ABCA13: variants seen among roughly 807,000 people sequenced by gnomAD.
ABCA13 encodes the protein ATP-binding cassette sub-family A member 13.
ABCA13 carries 476 observed loss-of-function variants against 478.7 expected under a neutral mutation model. The ratio of observed to expected loss-of-function variants is 0.99; its 90% CI spans 0.92 to 1.07. The LOEUF is 1.07. ABCA13 is among the 50% of genes least tolerant of loss of function. ABCA13 has a pLI of 0.00. For synonymous variants in ABCA13, 2,252 were observed against 2,158.9 expected (o/e 1.04, Z -1.20); for missense variants, 6,060 against 5,910.6 (o/e 1.03, Z -0.83).
intron 38 of ABCA13, among the ~76,000 whole-genome samples, chr7:48,395,502 T>C (rs1008957717): frequency 3.9e-5 from 6 of 152,186 alleles, no homozygotes; most frequent in Non-Finnish European, 7.3e-5. Flanking sequence ...ATTCAAATGT[T>C]TTCAATACAA....
intron 45 of ABCA13, among the ~76,000 whole-genome samples, chr7:48,476,945 A>G (rs1213419993): frequency 1.3e-5 from 2 of 152,180 alleles, no homozygotes; most frequent in African/African-American, 4.8e-5. Context: ...AGGATAAAAC[A>G]TTTTAAAATG....
chr7:48,217,690 C>T (rs1026993745), intron 3 of ABCA13, among the ~76,000 whole-genome samples: 2 of 152,204 alleles, frequency 1.3e-5, no homozygotes, highest in African/African-American at 2.4e-5. Context: ...CTGACAACCT[C>T]AAGTGGGTCC....
intron 50 of ABCA13, among the ~76,000 whole-genome samples, chr7:48,510,460 T>C (rs1831575358): frequency 6.6e-6 from 1 of 152,180 alleles, no homozygotes; most frequent in African/African-American, 2.4e-5. Context: ...GAGGAGCCTG[T>C]CCTTGGTTCT....
rs1796108664 is a variant in ABCA13, at chr7:48,275,014, T to A, written c.5348T>A (p.Ile1783Asn). Residue 1783 changes from isoleucine to asparagine, a missense_variant, in exon 17 of 62, where the codon ATT (isoleucine) becomes AAT (asparagine). Ile to Asn is a moderately radical substitution (Grantham distance 149). This residue lies in a region of ABCA13 where 4,423 missense variants were observed against 4,309.1 expected (regional missense o/e 1.03). Coordinates refer to ENST00000435803, the MANE Select transcript of ABCA13 (RefSeq NM_152701.5). ...YSFTLLHGIT[I>N]SNITKEDFAI... ...TTCACACTCCTTCATGGCATAACCA[T>A]TTCAAATATCACCAAGGAAGACTTC... The A allele has an allele frequency of 1.2e-6, 2 of 1,613,936 alleles. No individual in the cohort carries two copies. Among genetic ancestry groups the A allele is most frequent in the Non-Finnish European group, 1.7e-6 (2 of 1,179,858 alleles).
At chr7:48,574,091 G>A (rs1787933738) in intron 55 of ABCA13, among the ~76,000 whole-genome samples, 1 of 151,994 alleles carries the variant, frequency 6.6e-6, no homozygotes, top group Non-Finnish European at 1.5e-5. Flanking sequence ...GGCATGGGGA[G>A]TTAGGACCCC....
chr7:48,442,974 G>A (rs907208014), intron 42 of ABCA13, among the ~76,000 whole-genome samples: 1 of 152,148 alleles, frequency 6.6e-6, no homozygotes, highest in Non-Finnish European at 1.5e-5. Flanking sequence ...ACTATAGCTA[G>A]GACTTTAAAA....
chr7:48,534,187 G>C (rs1350513250), intron 55 of ABCA13, among the ~76,000 whole-genome samples: 1 of 152,018 alleles, frequency 6.6e-6, no homozygotes, highest in African/African-American at 2.4e-5. Flanking sequence ...AATTCTCTCA[G>C]CATTTGTTTG....
At chr7:48,397,567 C>T (rs1350836176) in intron 38 of ABCA13, among the ~76,000 whole-genome samples, 1 of 151,994 alleles carries the variant, frequency 6.6e-6, no homozygotes. Flanking sequence ...TCACATTACC[C>T]CTGAAAATCT....
chr7:48,450,338 T>A (rs1824837794), intron 42 of ABCA13, among the ~76,000 whole-genome samples: 1 of 152,296 alleles, frequency 6.6e-6, no homozygotes, highest in Non-Finnish European at 1.5e-5. Flanking sequence ...TAATTTATCG[T>A]TTACAAGATG....
chr7:48,563,050 G>A (rs899145415), intron 55 of ABCA13, among the ~76,000 whole-genome samples: 5 of 151,812 alleles, frequency 3.3e-5, no homozygotes, highest in Non-Finnish European at 7.4e-5. Context: ...TTTAGCATTT[G>A]CATTTGGCAT....
chr7:48,191,822 T>C (rs1046011084), intron 1 of ABCA13, among the ~76,000 whole-genome samples: 1 of 152,190 alleles, frequency 6.6e-6, no homozygotes, highest in African/African-American at 2.4e-5. Context: ...TAGATCTGCT[T>C]ACAAGGAAGG....
At chr7:48,250,686 A>G (rs1045327166) in intron 15 of ABCA13, among the ~76,000 whole-genome samples, 8 of 152,202 alleles carry the variant, frequency 5.3e-5, no homozygotes, top group African/African-American at 1.9e-4. Context: ...ACAAACTCAT[A>G]ACTGTATGAT....
intron 7 of ABCA13, 85 bp downstream of exon 7, chr7:48,230,040 G>A: frequency 1.4e-6 from 2 of 1,381,736 alleles, no homozygotes; most frequent in Admixed American, 2.7e-5. Context: ...CTAAAATGAT[G>A]TTCAAAATGA....
chr7:48,190,250 C>T (rs923592875), intron 1 of ABCA13, among the ~76,000 whole-genome samples: 1 of 152,050 alleles, frequency 6.6e-6, no homozygotes, highest in Non-Finnish European at 1.5e-5. Flanking sequence ...GATCTACTTA[C>T]AAAAGTCAGC....
At chr7:48,321,982 C>T (rs1489192234) in intron 27 of ABCA13, among the ~76,000 whole-genome samples, 1 of 152,200 alleles carries the variant, frequency 6.6e-6, no homozygotes, top group Non-Finnish European at 1.5e-5. Context: ...GCCTGAATCA[C>T]TCAGAGGAAG....
intron 8 of ABCA13, among the ~76,000 whole-genome samples, chr7:48,235,727 C>A (rs575949092): frequency 6.6e-6 from 1 of 152,048 alleles, no homozygotes; most frequent in African/African-American, 2.4e-5. Context: ...ATGGCTGGGG[C>A]TCATGAATTA....
At chr7:48,605,353 G>A (rs1011669150) in intron 58 of ABCA13, among the ~76,000 whole-genome samples, 5 of 152,124 alleles carry the variant, frequency 3.3e-5, no homozygotes, top group Non-Finnish European at 5.9e-5. Context: ...GTATGTTTTT[G>A]CAGTGGCTGA....
intron 57 of ABCA13, among the ~76,000 whole-genome samples, chr7:48,593,626 A>G (rs942234606): frequency 2.0e-5 from 3 of 152,086 alleles, no homozygotes; most frequent in East Asian, 1.9e-4. Flanking sequence ...TCATGTTGCT[A>G]ATTAGAATCC....
At chr7:48,491,871 C>T (rs375214316) in intron 48 of ABCA13, among the ~76,000 whole-genome samples, 1 of 152,162 alleles carries the variant, frequency 6.6e-6, no homozygotes, top group Admixed American at 6.5e-5. Context: ...TGTGGAACTT[C>T]AGTAAATCCC....
Sources: allele counts gnomAD v4.1 joint callset (sites outside exome capture counted in the v4.1 genomes callset), GRCh38; gene constraint gnomAD v4.1.1; regional missense constraint gnomAD v4.1.1; transcripts MANE v1.5; gene names NCBI Gene and HGNC (gene_info 2026-07-23, HGNC 2026-07-21).